PAK5: variants seen among roughly 807,000 people sequenced by gnomAD.
The protein encoded by PAK5 is serine/threonine-protein kinase PAK 5.
A neutral mutation model predicts 65.9 loss-of-function variants in PAK5; 16 were observed. That is an observed-to-expected ratio of 0.24 (90% CI 0.16 to 0.37). PAK5 has a LOEUF of 0.37. Ranked by LOEUF, PAK5 falls within the 10% of genes least tolerant of loss-of-function variation. The probability of loss-of-function intolerance (pLI) is 1.00; values close to 1 mark genes in which losing one functional copy is unlikely to be tolerated. For missense variants in PAK5, 785 were observed against 903.9 expected (o/e 0.87, Z 1.69); for synonymous variants, 371 against 354.9 (o/e 1.05, Z -0.51).
chr20:9,790,125 G>A (rs2123715341), intron 1 of PAK5, among the ~76,000 whole-genome samples: 1 of 152,234 alleles, frequency 6.6e-6, no homozygotes, highest in Admixed American at 6.5e-5. Context: ...CAGAGGCAAA[G>A]GAAGCTGTAC....
chr20:9,676,397 AATT>A (rs1210768465), intron 2 of PAK5, among the ~76,000 whole-genome samples: 1 of 152,188 alleles, frequency 6.6e-6, no homozygotes, highest in East Asian at 1.9e-4. Context: ...CTTTTTATAA[AATT>A]ATGATTTATT....
intron 3 of PAK5, among the ~76,000 whole-genome samples, chr20:9,583,269 A>G (rs1304271374): frequency 2.6e-5 from 4 of 152,212 alleles, no homozygotes; most frequent in African/African-American, 4.8e-5. Flanking sequence ...CACATAATTC[A>G]TTCTTGCCAT....
intron 3 of PAK5, among the ~76,000 whole-genome samples, chr20:9,596,428 A>G (rs572499513): frequency 6.6e-6 from 1 of 152,106 alleles, no homozygotes; most frequent in South Asian, 2.1e-4. Flanking sequence ...CAAGGTCAGG[A>G]GATCAAGACC....
chr20:9,672,618 G>T (rs2047515396), intron 2 of PAK5, among the ~76,000 whole-genome samples: 1 of 151,928 alleles, frequency 6.6e-6, no homozygotes, highest in African/African-American at 2.4e-5. Context: ...AGCCTCCTCG[G>T]CCATGTGGAA....
chr20:9,580,308 G>T lies in PAK5; in HGVS notation c.827C>A (p.Thr276Lys). 1 of 1,614,142 alleles carries T rather than the reference G, an allele frequency of 6.2e-7. No homozygotes were observed. The highest frequency in any genetic ancestry group is 1.1e-5 in the South Asian group (1 of 91,084). The change falls in exon 4 of 10, where the codon ACA becomes AAA. Residue 276 changes from threonine to lysine, a missense_variant. Transcript: ENST00000353224. ...RRPKSSYLNQ[T>K]SPQPTMRQRS... ...CTGCCGCATGGTGGGCTGAGGGCTT[G>T]TCTGATTCAGGTACGAAGACTTTGG...
At chr20:9,826,644 C>A (rs1346023228) in intron 1 of PAK5, among the ~76,000 whole-genome samples, 1 of 152,180 alleles carries the variant, frequency 6.6e-6, no homozygotes, top group Non-Finnish European at 1.5e-5. Flanking sequence ...TTGGGACTCA[C>A]CCTGGGGAAC....
intron 3 of PAK5, among the ~76,000 whole-genome samples, chr20:9,628,232 C>G (rs573617425): frequency 8.5e-5 from 13 of 152,282 alleles, no homozygotes; most frequent in African/African-American, 3.1e-4. Flanking sequence ...ATATCCACTT[C>G]TAACAGATGA....
rs181863477 is a variant in PAK5 at position 9,772,502 on chromosome 20, T to C, written c.-161-61067A>G. On this transcript the variant is annotated intron_variant, in intron 1 of 9. Transcript: ENST00000353224. ...AATGACACCAGCCAGGAAGCTCATG[T>C]CACCGGCTCTAAACGCCCCAGTCTC... is the stretch of plus-strand genomic sequence containing the variant. Among the ~76,000 whole-genome samples, 243 of 152,276 alleles carry C rather than the reference T, an allele frequency of 1.6e-3. 1 individual carries two copies. The highest frequency in any genetic ancestry group is 3.0e-3 in the Non-Finnish European group (201 of 68,030).
intron 1 of PAK5, among the ~76,000 whole-genome samples, chr20:9,733,409 C>A (rs1160766860): frequency 1.3e-5 from 2 of 150,808 alleles, no homozygotes; most frequent in Non-Finnish European, 3.0e-5. Flanking sequence ...TTCTTTCTTT[C>A]TTTCTTTCTT....
rs146716679 is a variant in PAK5 at position 9,562,262 on chromosome 20, T to C, written c.1616+629A>G. The stretch of plus-strand genomic sequence containing the variant: ...AGTGATGTCCCTGAGGGGATATATC[T>C]GAGCCACATTCATTTGTATCTTCTG... On this transcript the variant is annotated intron_variant, in intron 6 of 9. Coordinates refer to ENST00000353224, the MANE Select transcript of PAK5 (RefSeq NM_177990.4). Among the ~76,000 whole-genome samples the C allele has an allele frequency of 3.3e-3, 501 of 152,354 alleles. 4 individuals carry two copies. Among genetic ancestry groups the C allele is most frequent in the African/African-American group, 0.011 (451 of 41,570 alleles).
intron 2 of PAK5, among the ~76,000 whole-genome samples, chr20:9,691,715 G>A (rs570486390): frequency 8.5e-5 from 13 of 152,166 alleles, no homozygotes; most frequent in Admixed American, 3.3e-4. Context: ...AACTACAAAT[G>A]TACTCCAATA....
chr20:9,674,261 CT>C (rs201916501), intron 2 of PAK5, among the ~76,000 whole-genome samples: 1 of 150,572 alleles, frequency 6.6e-6, no homozygotes, highest in Admixed American at 6.6e-5. Flanking sequence ...ACTCCTCACC[CT>C]TTTTTTTTCC....
chr20:9,648,227 G>A (rs149098792), intron 2 of PAK5, among the ~76,000 whole-genome samples: 8 of 152,256 alleles, frequency 5.3e-5, no homozygotes, highest in Admixed American at 1.3e-4. Context: ...GTGGGAAAAG[G>A]TGCATGGGGC....
chr20:9,737,715 T>A (rs536831060), intron 1 of PAK5, among the ~76,000 whole-genome samples: 1 of 152,328 alleles, frequency 6.6e-6, no homozygotes, highest in African/African-American at 2.4e-5. Flanking sequence ...AGATGACAAC[T>A]ATACACATAA....
chr20:9,775,723 A>G (rs1363114892), intron 1 of PAK5, among the ~76,000 whole-genome samples: 1 of 152,136 alleles, frequency 6.6e-6, no homozygotes, highest in Non-Finnish European at 1.5e-5. Context: ...GTATGTATCT[A>G]TTTATGGGGT....
intron 1 of PAK5, among the ~76,000 whole-genome samples, chr20:9,722,225 A>C (rs1274547478): frequency 6.6e-6 from 1 of 152,166 alleles, no homozygotes; most frequent in East Asian, 1.9e-4. Context: ...CATCCAGGCC[A>C]GGGAGTTAGC....
At chr20:9,660,588 G>A (rs1330845244) in intron 2 of PAK5, among the ~76,000 whole-genome samples, 1 of 152,118 alleles carries the variant, frequency 6.6e-6, no homozygotes, top group Non-Finnish European at 1.5e-5. Context: ...AGGGAATGGC[G>A]AATGCTGTGG....
At chr20:9,686,632 G>C (rs933929353) in intron 2 of PAK5, among the ~76,000 whole-genome samples, 3 of 152,016 alleles carry the variant, frequency 2.0e-5, no homozygotes, top group Non-Finnish European at 4.4e-5. Context: ...TATCCCCTTC[G>C]ACCTAGGAAC....
chr20:9,590,882 G>A (rs1461010625), intron 3 of PAK5, among the ~76,000 whole-genome samples: 1 of 152,178 alleles, frequency 6.6e-6, no homozygotes, highest in Non-Finnish European at 1.5e-5. Flanking sequence ...GAAGCAGACT[G>A]GCCAAGTTCT....
Sources: gnomAD v4.1 joint callset for allele counts (sites outside exome capture counted in the v4.1 genomes callset) on GRCh38, gnomAD v4.1.1 for gene constraint, MANE v1.5 for transcripts, NCBI Gene and HGNC (gene_info 2026-07-23, HGNC 2026-07-21) for gene names.